ELFN2: variants seen among roughly 807,000 people sequenced by gnomAD.
The protein encoded by ELFN2 is extracellular leucine rich repeat and fibronectin type III domain containing 2, also known as protein phosphatase 1 regulatory subunit 29.
Under a neutral mutation model 45.5 loss-of-function variants are expected in ELFN2, and 17 were observed. The ratio of observed to expected loss-of-function variants is 0.37; its 90% confidence interval spans 0.26 to 0.56. ELFN2 has a LOEUF of 0.56. Among genes scored for constraint, ELFN2 ranks in the 20% least tolerant of loss-of-function variants. ELFN2 has a pLI of 0.77. For missense variants in ELFN2, 922 were observed against 1,183.2 expected, an observed-to-expected ratio of 0.78 and a Z score of 3.24; for synonymous variants, 550 against 551.5, an observed-to-expected ratio of 1.00 and a Z score of 0.04.
chr22:37,388,376 T>C (rs754624150), intron 2 of ELFN2, among the ~76,000 whole-genome samples: 2 of 152,168 alleles, frequency 1.3e-5, no homozygotes, highest in Non-Finnish European at 2.9e-5. Context: ...CTGCTACCTC[T>C]GGACTGAGTT....
chr22:37,364,923 T>TACCTC (rs1931168727), downstream of ELFN2, among the ~76,000 whole-genome samples: 1 of 152,124 alleles, frequency 6.6e-6, no homozygotes, highest in Non-Finnish European at 1.5e-5. Flanking sequence ...AGAGACAAGG[T>TACCTC]ACCTCCTAAA....
intron 1 of ELFN2, among the ~76,000 whole-genome samples, chr22:37,356,786 T>C (rs796109895): frequency 2.3e-4 from 35 of 152,306 alleles, no homozygotes; most frequent in Middle Eastern, 3.4e-3. Flanking sequence ...TTCCCACAGC[T>C]GGTAAGTCCA....
Position 37,355,327 on chromosome 22 carries a change from G to A in ELFN2, n.149-12624C>T, listed in dbSNP as rs190121825. On this transcript the variant is annotated intron_variant and non_coding_transcript_variant, in intron 1 of 2. Transcript: ENST00000452946. ...CCACCTCGAGTCAGCCTCATAGGTC[G>A]GCCTCAGCATCCAGGCTGGCCGGGC... 7.1e-3 allele frequency among the ~76,000 whole-genome samples: 1,084 copies of A among 152,310 alleles called. 30 individuals are homozygous for A. Among genetic ancestry groups the A allele is most frequent in the Admixed American group, 0.052 (801 of 15,290 alleles).
In ELFN2 at chr22:37,372,533, C is replaced by A. The variant is rs1048404080; in HGVS notation, c.*539G>T. 2 of 153,368 alleles carry A rather than the reference C, an allele frequency of 1.3e-5. No individual in the cohort carries two copies. The highest frequency in any genetic ancestry group is 2.9e-5 in the Non-Finnish European group (2 of 68,920). The allele number at this position is 153,368 out of a possible 1,614,324, so 9.5% of individuals were successfully genotyped here. On this transcript the variant is annotated 3_prime_UTR_variant, in exon 3 of 3. Transcript: ENST00000402918. This position sits in a 1 kb window ranked among gnomAD's most constrained non-coding sequence, Gnocchi z 4.4. ...CTGTGTGACCCTGGGGTTGTCAACT[C>A]CCTTCTCTGGGCCTCAGTTTCCCCC...
At chr22:37,359,395 T>A (rs1008707018) in intron 1 of ELFN2, among the ~76,000 whole-genome samples, 2 of 152,122 alleles carry the variant, frequency 1.3e-5, no homozygotes, top group Admixed American at 1.3e-4. Flanking sequence ...CCCCTCTTCC[T>A]TTACCCCACT....
rs1380430439 is a variant in ELFN2 at position 37,348,590 on chromosome 22, C to T, written n.149-5887G>A. On this transcript the variant is annotated intron_variant and non_coding_transcript_variant, in intron 1 of 2. Transcript: ENST00000452946. ...AGGCCCAGCCCCGGGCCAGATCAGACCTCGGGGCAGGGCTCCTGTCCCACA... is the reference window on the plus strand; with the variant it reads ...AGGCCCAGCCCCGGGCCAGATCAGATCTCGGGGCAGGGCTCCTGTCCCACA... 4.6e-5 allele frequency among the ~76,000 whole-genome samples: 7 copies of T among 150,562 alleles called. 1 individual carries two copies. The highest frequency in any genetic ancestry group is 1.0e-4 in the Non-Finnish European group (7 of 67,054).
At chr22:37,398,028 C>A (rs55885215) in intron 2 of ELFN2, among the ~76,000 whole-genome samples, 1 of 152,026 alleles carries the variant, frequency 6.6e-6, no homozygotes, top group Non-Finnish European at 1.5e-5. Context: ...AGGACACAGC[C>A]AATAACAGCC....
chr22:37,403,703 G>A (rs1448685148), intron 2 of ELFN2, among the ~76,000 whole-genome samples: 8 of 152,206 alleles, frequency 5.3e-5, no homozygotes, highest in South Asian at 2.1e-4. Context: ...GAGACCATCC[G>A]GGACCTCCTC....
intron 2 of ELFN2, among the ~76,000 whole-genome samples, chr22:37,411,285 C>A (rs889087613): frequency 6.6e-6 from 1 of 152,168 alleles, no homozygotes; most frequent in Non-Finnish European, 1.5e-5. Context: ...GAGTGTCTAG[C>A]GGGGCAGCAA....
Position 37,368,839 on chromosome 22 carries a change from GA to G in ELFN2, c.*4232del, listed in dbSNP as rs1931275535. The G allele has an allele frequency of 6.6e-6, 1 of 152,208 alleles. No homozygotes were observed. Among genetic ancestry groups the G allele is most frequent in the South Asian group, 2.1e-4 (1 of 4,828 alleles). 9.4% of individuals were successfully genotyped at this position (152,208 alleles called of 1,614,324 possible). Reference sequence around the variant, plus strand: ...TAGGGGACAGAGGCGGTGCTTGGGGGACAGGCAGCCACTGCAACCCCACTCC... The same window carrying G: ...TAGGGGACAGAGGCGGTGCTTGGGGGCAGGCAGCCACTGCAACCCCACTCC... On this transcript the variant is annotated 3_prime_UTR_variant, in exon 3 of 3. Coordinates refer to ENST00000402918, the MANE Select transcript of ELFN2 (RefSeq NM_052906.5).
chr22:37,400,791 GC>G (rs1172786041), intron 2 of ELFN2, among the ~76,000 whole-genome samples: 2 of 152,244 alleles, frequency 1.3e-5, no homozygotes, highest in Non-Finnish European at 1.5e-5. Flanking sequence ...GCCCTGCCTT[GC>G]CTTCTTGTAG....
chr22:37,420,001 G>A (rs868642654), intron 1 of ELFN2, among the ~76,000 whole-genome samples: 2 of 152,180 alleles, frequency 1.3e-5, no homozygotes, highest in Admixed American at 6.5e-5. Context: ...CGAGCGTCAG[G>A]GGCTGCGGCT....
intron 2 of ELFN2, among the ~76,000 whole-genome samples, chr22:37,406,630 G>T (rs1262754679): frequency 6.6e-6 from 1 of 152,246 alleles, no homozygotes; most frequent in South Asian, 2.1e-4. Context: ...AAACTGGGGA[G>T]CGAGGGAAAC....
chr22:37,393,322 C>T (rs189989462), intron 2 of ELFN2, among the ~76,000 whole-genome samples: 1 of 152,250 alleles, frequency 6.6e-6, no homozygotes, highest in Non-Finnish European at 1.5e-5. Context: ...TTATGCTCCC[C>T]CATCAACAGC....
chr22:37,398,521 A>G lies in ELFN2; in HGVS notation c.-463+19248T>C, dbSNP rs563971014. 1.3e-4 allele frequency among the ~76,000 whole-genome samples: 20 copies of G among 150,412 alleles called. No individual in the cohort carries two copies. In the South Asian group the frequency reaches 4.0e-3, roughly 30 times the overall value. On this transcript the variant is annotated intron_variant, in intron 2 of 2. Transcript: ENST00000402918. ...AAGCCCCCCAGCACAGCAGTCTCCT[A>G]ACTGACTGTCGCCTACCCTGCCTCA...
chr22:37,421,486 G>T (rs989250233), intron 1 of ELFN2, among the ~76,000 whole-genome samples: 2 of 152,200 alleles, frequency 1.3e-5, no homozygotes, highest in African/African-American at 4.8e-5. Flanking sequence ...AGGTCACAAA[G>T]GGACAAGAAT....
intron 1 of ELFN2, among the ~76,000 whole-genome samples, chr22:37,358,486 C>T (rs73410262): frequency 0.013 from 2,054 of 152,302 alleles, 37 homozygotes; most frequent in African/African-American, 0.037. Context: ...ACAGAGAGGG[C>T]CCTAGTGTTT....
chr22:37,412,753 G>A (rs962926488), intron 2 of ELFN2, among the ~76,000 whole-genome samples: 6 of 152,220 alleles, frequency 3.9e-5, no homozygotes, highest in South Asian at 2.1e-4. Context: ...GGCTGCCAGC[G>A]GGGTGGGTGG....
At chr22:37,420,023 A>G (rs750422257) in intron 1 of ELFN2, among the ~76,000 whole-genome samples, 50 of 152,016 alleles carry the variant, frequency 3.3e-4, no homozygotes, top group Non-Finnish European at 6.5e-4. Context: ...CAAATTCTAA[A>G]CACAGGCAAG....
Sources: gnomAD v4.1 joint callset for allele counts (sites outside exome capture counted in the v4.1 genomes callset) on GRCh38, gnomAD v4.1.1 for gene constraint, Gnocchi (gnomAD v3.1) non-coding constraint, MANE v1.5 for transcripts, NCBI Gene and HGNC (gene_info 2026-07-23, HGNC 2026-07-21) for gene names.